Variants in ARID5B observed in about 807,000 individuals in gnomAD.
ARID5B encodes the protein AT-rich interactive domain-containing protein 5B.
A neutral mutation model predicts 97.2 loss-of-function variants in ARID5B; 13 were observed. The observed-to-expected ratio is 0.13, with a 90% CI of 0.09 to 0.21. The LOEUF is 0.21. Among genes scored for constraint, ARID5B ranks in the 10% least tolerant of loss-of-function variants. The pLI, the probability that ARID5B is intolerant of heterozygous loss-of-function variation, is 1.00. For synonymous variants in ARID5B, 556 were observed against 570.3 expected, an observed-to-expected ratio of 0.97 and a Z score of 0.36; for missense variants, 1,210 against 1,465.3, an observed-to-expected ratio of 0.83 and a Z score of 2.84.
At chr10:61,926,021 G>A (rs1263130246) in intron 2 of ARID5B, among the ~76,000 whole-genome samples, 1 of 152,108 alleles carries the variant, frequency 6.6e-6, no homozygotes, top group African/African-American at 2.4e-5. Flanking sequence ...GGCTAGCTTG[G>A]GAAATTAGAA....
At chr10:62,079,833 G>A (rs965810309) in intron 8 of ARID5B, among the ~76,000 whole-genome samples, 2 of 152,176 alleles carry the variant, frequency 1.3e-5, no homozygotes, top group Admixed American at 6.5e-5. Context: ...GCTGCCCATT[G>A]AGTAGGTAAT....
At chr10:61,997,826 C>T (rs767633052) in intron 3 of ARID5B, among the ~76,000 whole-genome samples, 6 of 152,050 alleles carry the variant, frequency 3.9e-5, no homozygotes, top group East Asian at 3.8e-4. Context: ...GAGAAACGAC[C>T]GCATTTGAAT....
chr10:62,085,602 T>G, intron 8 of ARID5B, 100 bp from the exon 9 acceptor site: 1 of 944,000 alleles, frequency 1.1e-6, no homozygotes, highest in Non-Finnish European at 1.6e-6. Context: ...TGAAGTCATT[T>G]AATAATTTGC....
At chr10:62,080,205 C>T (rs1040104303) in intron 8 of ARID5B, among the ~76,000 whole-genome samples, 6 of 152,138 alleles carry the variant, frequency 3.9e-5, no homozygotes, top group African/African-American at 1.4e-4. Flanking sequence ...CTGGAGGCCT[C>T]TTTCTCACCT....
chr10:62,069,821 G>C (rs772323910), intron 8 of ARID5B, 24 bp downstream of exon 8: 1 of 1,608,542 alleles, frequency 6.2e-7, no homozygotes, highest in Non-Finnish European at 8.5e-7. Context: ...TCATGGAATT[G>C]CTTAGTTAAA....
At chr10:61,999,522 C>T (rs1337973139) in intron 3 of ARID5B, among the ~76,000 whole-genome samples, 2 of 152,162 alleles carry the variant, frequency 1.3e-5, no homozygotes, top group Non-Finnish European at 2.9e-5. Flanking sequence ...TGGGAGCTGC[C>T]ACCCACTGCC....
At chr10:61,935,060 A>G (rs200008713) in intron 2 of ARID5B, among the ~76,000 whole-genome samples, 1 of 152,024 alleles carries the variant, frequency 6.6e-6, no homozygotes, top group East Asian at 1.9e-4. Context: ...ATATAACAAT[A>G]ATGACAAGTT....
In ARID5B at chr10:62,073,189, C is replaced by T. The variant is rs184101919; in HGVS notation, c.1199+3392C>T. Among the ~76,000 whole-genome samples, 9 of 152,318 alleles carry T rather than the reference C, an allele frequency of 5.9e-5. No homozygotes were observed. In the East Asian group the frequency reaches 1.3e-3, roughly 23 times the overall value. On this transcript the variant is annotated intron_variant, in intron 8 of 9. Transcript: ENST00000279873. ...TCTTCTGTTCTCATTCTTTTCACTCCGATAAAGAGAACTGCTCTTTTTCCT... is the reference window on the plus strand; with the variant it reads ...TCTTCTGTTCTCATTCTTTTCACTCTGATAAAGAGAACTGCTCTTTTTCCT...
Position 62,004,602 on chromosome 10 carries a change from C to T in ARID5B, c.733+4281C>T, listed in dbSNP as rs1839122971. ...ATCAAGCATTCTCCAACAACCCCTA[C>T]CTTGCTTTTACCTTTTTAAATGATT... On this transcript the variant is annotated intron_variant, in intron 4 of 9. Transcript: ENST00000279873. Among the ~76,000 whole-genome samples, 9 of 152,188 alleles carry T rather than the reference C, an allele frequency of 5.9e-5. No individual in the cohort carries two copies. In the South Asian group the frequency reaches 1.7e-3, roughly 28 times the overall value.
chr10:62,091,426 G>A lies in ARID5B; in HGVS notation c.1963G>A (p.Asp655Asn). The change falls in exon 10 of 10, where the codon GAC (aspartate) becomes AAC (asparagine). Residue 655 changes from aspartate (D) to asparagine (N), a missense_variant. Around this residue, in one of 8 missense-constraint regions of ARID5B, gnomAD observed 800 missense variants for 839.1 expected, o/e 0.95. Transcript: ENST00000279873. ...AAAGGTCCTTGTGGTCCAGTCGTTT[G>A]ACATGTTCAAAGACAAAGACCTGAC... ...TPKVLVVQSFDMFKDKDLTGP... is the reference protein window; with the variant it reads ...TPKVLVVQSFNMFKDKDLTGP... 1 of 1,612,552 alleles carries A rather than the reference G, an allele frequency of 6.2e-7. No individual in the cohort carries two copies. Among genetic ancestry groups the A allele is most frequent in the Non-Finnish European group, 8.5e-7 (1 of 1,179,060 alleles).
chr10:62,047,745 T>C (rs1285323522), intron 4 of ARID5B, among the ~76,000 whole-genome samples: 2 of 152,122 alleles, frequency 1.3e-5, no homozygotes, highest in Non-Finnish European at 2.9e-5. Context: ...ATGCACCTGT[T>C]TTCACTCACT....
At chr10:62,038,370 T>TAA (rs145509701) in intron 4 of ARID5B, among the ~76,000 whole-genome samples, 3 of 142,300 alleles carry the variant, frequency 2.1e-5, no homozygotes, top group African/African-American at 7.7e-5. Flanking sequence ...GTTCCTTATT[T>TAA]AAAAAAAAAA....
intron 3 of ARID5B, among the ~76,000 whole-genome samples, chr10:61,978,909 T>G (rs1170776467): frequency 6.6e-6 from 1 of 151,926 alleles, no homozygotes; most frequent in Admixed American, 6.6e-5. Flanking sequence ...TGAATAGGAG[T>G]GGTGAGAGAG....
At chr10:62,015,970 A>G (rs984880840) in intron 4 of ARID5B, among the ~76,000 whole-genome samples, 5 of 152,228 alleles carry the variant, frequency 3.3e-5, no homozygotes, top group African/African-American at 1.2e-4. Flanking sequence ...CTTATCTGGC[A>G]TATGTGGAGC....
chr10:62,067,022 GTGAC>G (rs1287384572), intron 7 of ARID5B, among the ~76,000 whole-genome samples: 1 of 151,954 alleles, frequency 6.6e-6, no homozygotes, highest in African/African-American at 2.4e-5. Flanking sequence ...TAACGGATGA[GTGAC>G]TGGATGGATT....
At chr10:62,026,669 C>A (rs183257321) in intron 4 of ARID5B, among the ~76,000 whole-genome samples, 2 of 152,192 alleles carry the variant, frequency 1.3e-5, no homozygotes, top group Non-Finnish European at 2.9e-5. Context: ...CCACTCTTCC[C>A]TTCTGCCTTG....
At chr10:61,901,819 AC>A in intron 1 of ARID5B, 89 bp downstream of exon 1, 6 of 718,014 alleles carry the variant, frequency 8.4e-6, no homozygotes, top group Non-Finnish European at 8.4e-6. Context: ...ACCCACCCAC[AC>A]CCCCCACAAA....
intron 3 of ARID5B, among the ~76,000 whole-genome samples, chr10:61,943,702 A>C (rs1324688070): frequency 3.3e-5 from 5 of 152,142 alleles, no homozygotes; most frequent in African/African-American, 1.2e-4. Context: ...AGTTCGCTTT[A>C]ATTCCAGTTT....
chr10:61,908,391 A>G (rs980134322), intron 2 of ARID5B, among the ~76,000 whole-genome samples: 1 of 152,232 alleles, frequency 6.6e-6, no homozygotes, highest in Non-Finnish European at 1.5e-5. Flanking sequence ...CTGATAATAC[A>G]TGTCATAGGC....
Sources: gnomAD v4.1 joint callset for allele counts (sites outside exome capture counted in the v4.1 genomes callset) on GRCh38, gnomAD v4.1.1 for gene constraint, gnomAD v4.1.1 regional missense constraint, MANE v1.5 for transcripts, NCBI Gene and HGNC (gene_info 2026-07-23, HGNC 2026-07-21) for gene names.